CBFA2T3: variants seen among roughly 807,000 people sequenced by gnomAD.
CBFA2T3 encodes CBFA2/RUNX1 partner transcriptional co-repressor 3, also known as transcriptional corepressor CBFA2T3.
In CBFA2T3, 31 loss-of-function variants were observed where a neutral mutation model predicts 58.6. The observed-to-expected ratio is 0.53, with a 90% CI of 0.40 to 0.71. The LOEUF is 0.71. CBFA2T3 is among the 30% of genes least tolerant of loss of function. The pLI, the probability that CBFA2T3 is intolerant of heterozygous loss-of-function variation, is 0.00. For missense variants in CBFA2T3, 1,076 were observed against 963.1 expected (o/e 1.12, Z -1.55); for synonymous variants, 531 against 421.9 (o/e 1.26, Z -3.17).
At chr16:88,944,673 C>G (rs1252293067) in intron 1 of CBFA2T3, among the ~76,000 whole-genome samples, 1 of 152,240 alleles carries the variant, frequency 6.6e-6, no homozygotes, top group East Asian at 1.9e-4. Flanking sequence ...CCAACAGTGC[C>G]CAGCTCAAGG....
At chr16:88,941,395 G>C (rs1045438390) in intron 1 of CBFA2T3, among the ~76,000 whole-genome samples, 2 of 145,676 alleles carry the variant, frequency 1.4e-5, no homozygotes, top group African/African-American at 5.0e-5. Context: ...TCCGCCTCCT[G>C]CCCCCCGCCG....
intron 1 of CBFA2T3, among the ~76,000 whole-genome samples, chr16:88,975,494 G>T (rs191695542): frequency 6.6e-6 from 1 of 152,262 alleles, no homozygotes; most frequent in South Asian, 2.1e-4. Flanking sequence ...GAGGCCCAGG[G>T]AGGAAGCACC....
intron 1 of CBFA2T3, among the ~76,000 whole-genome samples, chr16:88,905,708 G>A (rs1010337170): frequency 3.0e-5 from 4 of 133,652 alleles, no homozygotes; most frequent in South Asian, 2.4e-4. Flanking sequence ...GAGGGGCGGG[G>A]CTGGAGGGGC....
intron 2 of CBFA2T3, among the ~76,000 whole-genome samples, chr16:88,900,574 C>T (rs1271784399): frequency 6.6e-6 from 1 of 152,166 alleles, no homozygotes; most frequent in East Asian, 1.9e-4. Context: ...AGGCTCCCCG[C>T]CCAGAGAGGG....
intron 1 of CBFA2T3, among the ~76,000 whole-genome samples, chr16:88,928,934 C>T (rs1476046250): frequency 2.6e-5 from 4 of 152,112 alleles, no homozygotes; most frequent in African/African-American, 4.8e-5. Flanking sequence ...CAGCCAGGCA[C>T]GGTGGGCCAG....
At chr16:88,951,433 C>A in intron 1 of CBFA2T3, 1 of 418,676 alleles carries the variant, frequency 2.4e-6, no homozygotes, top group Admixed American at 2.7e-5. Context: ...TTATTTTCAC[C>A]TTCTTTTCTG....
At chr16:88,897,485 G>A (rs532336731) in intron 3 of CBFA2T3, among the ~76,000 whole-genome samples, 7 of 152,336 alleles carry the variant, frequency 4.6e-5, no homozygotes, top group South Asian at 4.1e-4. Flanking sequence ...CTGAACGCCC[G>A]CCATGGGCCA....
chr16:88,910,601 G>A (rs1158076872), intron 1 of CBFA2T3, among the ~76,000 whole-genome samples: 1 of 152,342 alleles, frequency 6.6e-6, no homozygotes, highest in Admixed American at 6.5e-5. Flanking sequence ...AAGAGCTGTG[G>A]GGTGAGCTGC....
At chr16:88,899,082 C>A (rs1970002488) in intron 2 of CBFA2T3, among the ~76,000 whole-genome samples, 2 of 130,628 alleles carry the variant, frequency 1.5e-5, no homozygotes, top group Admixed American at 1.7e-4. Flanking sequence ...CCCCACCCCA[C>A]AGCAGCACCG....
intron 1 of CBFA2T3, among the ~76,000 whole-genome samples, chr16:88,910,926 T>C (rs977334964): frequency 2.0e-5 from 3 of 151,942 alleles, no homozygotes; most frequent in African/African-American, 7.3e-5. Flanking sequence ...AGTGTGGGGA[T>C]CTGGGGTGGG....
rs1217515112 is a variant in CBFA2T3, at chr16:88,892,422, A to G, written c.443T>C (p.Phe148Ser). ...INGAPCTPNG[F>S]SNGPATSSTA... ...GGACGAGGTGGCCGGGCCATTGCTGAAGCCGTTGGGTGTGCACGGTGCACC... is the reference window on the plus strand; with the variant it reads ...GGACGAGGTGGCCGGGCCATTGCTGGAGCCGTTGGGTGTGCACGGTGCACC... Residue 148 changes from phenylalanine to serine, a missense_variant, in exon 4 of 12, where the codon TTC (phenylalanine) becomes TCC (serine). Phe to Ser is a radical substitution (Grantham distance 155). Coordinates refer to ENST00000268679, the MANE Select transcript of CBFA2T3 (RefSeq NM_005187.6). 6.2e-7 allele frequency: 1 copy of G among 1,613,584 alleles called. No individual in the cohort carries two copies. The highest frequency in any genetic ancestry group is 1.3e-5 in the African/African-American group (1 of 75,054).
chr16:88,884,794 A>G lies in CBFA2T3; in HGVS notation c.1117+252T>C, dbSNP rs542266492. 761 of 428,328 alleles carry G rather than the reference A, an allele frequency of 1.8e-3. 2 individuals carry two copies. Among genetic ancestry groups the G allele is most frequent in the African/African-American group, 0.014 (691 of 48,718 alleles). The allele number at this position is 428,328 out of a possible 1,614,324, so 26.5% of individuals were successfully genotyped here. A position where few individuals can be genotyped will look rare whatever the true frequency, so the allele number is the denominator to read the frequency against. On this transcript the variant is annotated intron_variant, in intron 7 of 11. Transcript: ENST00000268679. Reference sequence around the variant, plus strand: ...CTGTGGGAATCGCCAAGCTCGGATGAGAACCACGTGGGCAGTTCCAGGCCC... The same window carrying G: ...CTGTGGGAATCGCCAAGCTCGGATGGGAACCACGTGGGCAGTTCCAGGCCC...
chr16:88,951,034 G>A, intron 1 of CBFA2T3: 1 of 404,800 alleles, frequency 2.5e-6, no homozygotes, highest in South Asian at 1.7e-5. Flanking sequence ...CCGGCACAGA[G>A]GGTCAGAGTG....
chr16:88,875,488 C>A lies in CBFA2T3; in HGVS notation c.*1488G>T, dbSNP rs978105550. On this transcript the variant is annotated 3_prime_UTR_variant, in exon 12 of 12. Coordinates refer to ENST00000268679, the MANE Select transcript of CBFA2T3 (RefSeq NM_005187.6). Reference sequence around the variant, plus strand: ...GTCAGGGTCTTCCCTGGGGAGGAGGCAGAGGGCTGCTTTTGTTTGTAGTTT... The same window carrying A: ...GTCAGGGTCTTCCCTGGGGAGGAGGAAGAGGGCTGCTTTTGTTTGTAGTTT... 6.4e-5 allele frequency: 15 copies of A among 233,326 alleles called. No homozygotes were observed. Among genetic ancestry groups the A allele is most frequent in the African/African-American group, 3.1e-4 (14 of 45,234 alleles). The allele number at this position is 233,326 out of a possible 1,614,324, so 14.5% of individuals were successfully genotyped here. A position where few individuals can be genotyped will look rare whatever the true frequency, so the allele number is the denominator to read the frequency against.
chr16:88,892,078 G>A, intron 4 of CBFA2T3, 107 bp from the exon 5 acceptor site: 3 of 1,363,814 alleles, frequency 2.2e-6, no homozygotes, highest in Middle Eastern at 4.6e-4. Flanking sequence ...CAGGCAGGCA[G>A]CCCAGGAGCT....
At chr16:88,882,483 GTGAC>G (rs1969143068) in intron 8 of CBFA2T3, among the ~76,000 whole-genome samples, 189 bp downstream of exon 8, 1 of 149,938 alleles carries the variant, frequency 6.7e-6, no homozygotes, top group South Asian at 2.1e-4. Context: ...GTGGCTGTGT[GTGAC>G]TGCACGGGCG....
intron 1 of CBFA2T3, among the ~76,000 whole-genome samples, chr16:88,927,767 G>A (rs1421760515): frequency 1.3e-5 from 2 of 152,188 alleles, no homozygotes; most frequent in Admixed American, 6.5e-5. Flanking sequence ...GCGGACACCC[G>A]GGAGCCAACA....
At position 88,892,462 on chromosome 16, in the gene CBFA2T3, G is replaced by C. The variant is rs778944183; in HGVS notation, c.403C>G (p.Pro135Ala). The change falls in exon 4 of 12, where the codon CCA becomes GCA. Residue 135 changes from proline (P) to alanine (A), a missense_variant. Physicochemically the swap from Pro to Ala is conservative, Grantham distance 27. Transcript: ENST00000268679. ...CACGGTGCACCATTGATGGCTGTTG[G>C]TGAGTGGCTGCTGCCGTTCATCACT... Reference protein sequence around the residue: ...CLLMNGSSHSPTAINGAPCTP... With the variant: ...CLLMNGSSHSATAINGAPCTP... The C allele has an allele frequency of 6.2e-7, 1 of 1,613,028 alleles. No individual in the cohort carries two copies.
At chr16:88,974,182 C>T (rs1343023383) in intron 1 of CBFA2T3, among the ~76,000 whole-genome samples, 1 of 152,222 alleles carries the variant, frequency 6.6e-6, no homozygotes, top group African/African-American at 2.4e-5. Flanking sequence ...GTCAGGTCAC[C>T]TTTCTGACCT....
Sources: gnomAD v4.1 joint callset for allele counts (sites outside exome capture counted in the v4.1 genomes callset) on GRCh38, gnomAD v4.1.1 for gene constraint, MANE v1.5 for transcripts, NCBI Gene and HGNC (gene_info 2026-07-23, HGNC 2026-07-21) for gene names.